SUCLG2: variants seen among roughly 807,000 people sequenced by gnomAD.
SUCLG2 encodes the protein succinate-CoA ligase GDP-forming subunit beta, also known as succinate--CoA ligase [GDP-forming] subunit beta, mitochondrial.
SUCLG2 carries 42 observed loss-of-function variants against 47.9 expected under a neutral mutation model. The observed-to-expected ratio is 0.88, with a 90% CI of 0.69 to 1.14. The LOEUF (loss-of-function observed/expected upper bound fraction) is 1.14, where lower values mean the gene tolerates loss of function less well. SUCLG2 is among the 50% of genes most tolerant of loss of function. SUCLG2 has a pLI of 0.00. For missense variants in SUCLG2, 571 were observed against 525.9 expected (o/e 1.09, Z -0.84); for synonymous variants, 195 against 197.3 (o/e 0.99, Z 0.10).
chr3:67,574,248 T>A (rs1481539772), intron 2 of SUCLG2, among the ~76,000 whole-genome samples: 1 of 152,200 alleles, frequency 6.6e-6, no homozygotes, highest in Non-Finnish European at 1.5e-5. Context: ...CATCTAAACG[T>A]TTATACTTGT....
intron 2 of SUCLG2, among the ~76,000 whole-genome samples, chr3:67,597,862 T>C (rs1708329213): frequency 1.3e-5 from 2 of 151,800 alleles, no homozygotes; most frequent in Admixed American, 1.3e-4. Context: ...CGCTTGAACC[T>C]GGGAGGCAGA....
At chr3:67,387,538 T>C (rs760059936) in intron 10 of SUCLG2, among the ~76,000 whole-genome samples, 5 of 152,234 alleles carry the variant, frequency 3.3e-5, no homozygotes, top group African/African-American at 9.6e-5. Flanking sequence ...TAGTTATTCA[T>C]ACATTTCGAG....
intron 1 of SUCLG2, among the ~76,000 whole-genome samples, chr3:67,624,384 A>C (rs559839606): frequency 6.6e-6 from 1 of 152,358 alleles, no homozygotes; most frequent in South Asian, 2.1e-4. Flanking sequence ...TGTGTTTAGA[A>C]AGACATTTCA....
At chr3:67,523,018 G>C (rs1190577216) in intron 4 of SUCLG2, among the ~76,000 whole-genome samples, 15 of 151,988 alleles carry the variant, frequency 9.9e-5, no homozygotes, top group African/African-American at 3.6e-4. Flanking sequence ...TCAATCTCCT[G>C]ACCTCGTGAT....
chr3:67,653,479 C>A (rs2218796), intron 1 of SUCLG2, among the ~76,000 whole-genome samples: 19 of 151,968 alleles, frequency 1.3e-4, no homozygotes, highest in Non-Finnish European at 2.4e-4. Flanking sequence ...GATGTCATAA[C>A]CAAAGTTTAG....
chr3:67,368,010 G>A (rs567892364), intron 10 of SUCLG2, among the ~76,000 whole-genome samples: 1 of 152,102 alleles, frequency 6.6e-6, no homozygotes, highest in South Asian at 2.1e-4. Flanking sequence ...ATGGCTACAC[G>A]ATATTCCACT....
chr3:67,435,080 T>C (rs979069741), intron 9 of SUCLG2, among the ~76,000 whole-genome samples: 2 of 152,190 alleles, frequency 1.3e-5, no homozygotes, highest in African/African-American at 4.8e-5. Flanking sequence ...GTTTATCTGC[T>C]TGAGTGGGTA....
At chr3:67,591,534 A>G (rs533741681) in intron 2 of SUCLG2, among the ~76,000 whole-genome samples, 1 of 152,174 alleles carries the variant, frequency 6.6e-6, no homozygotes, top group Non-Finnish European at 1.5e-5. Context: ...ATTATAGTGA[A>G]TAAGTCTCAC....
chr3:67,619,074 A>C (rs921648719), intron 1 of SUCLG2, among the ~76,000 whole-genome samples: 1 of 152,232 alleles, frequency 6.6e-6, no homozygotes, highest in South Asian at 2.1e-4. Context: ...ACTTCCAAAA[A>C]AGAATTGACA....
intron 9 of SUCLG2, among the ~76,000 whole-genome samples, chr3:67,484,387 A>G (rs1704998578): frequency 6.6e-6 from 1 of 152,246 alleles, no homozygotes; most frequent in Admixed American, 6.5e-5. Flanking sequence ...GGCTGAGAAT[A>G]TTCAGCTAGA....
chr3:67,522,959 T>C (rs1215691573), intron 4 of SUCLG2, among the ~76,000 whole-genome samples: 2 of 151,870 alleles, frequency 1.3e-5, no homozygotes, highest in Non-Finnish European at 2.9e-5. Flanking sequence ...CCACCGTGCC[T>C]GGCCTAATTG....
chr3:67,515,467 A>G (rs919864199), intron 6 of SUCLG2, among the ~76,000 whole-genome samples: 1 of 152,148 alleles, frequency 6.6e-6, no homozygotes, highest in African/African-American at 2.4e-5. Flanking sequence ...TATCATCTTT[A>G]TTTTTGTTAT....
At chr3:67,538,195 C>T (rs1444156842) in intron 2 of SUCLG2, among the ~76,000 whole-genome samples, 1 of 151,934 alleles carries the variant, frequency 6.6e-6, no homozygotes, top group Non-Finnish European at 1.5e-5. Flanking sequence ...GGGTTTTGAT[C>T]GTTTTAGGTC....
At chr3:67,435,994 A>G (rs1023865739) in intron 9 of SUCLG2, among the ~76,000 whole-genome samples, 11 of 152,232 alleles carry the variant, frequency 7.2e-5, no homozygotes, top group Non-Finnish European at 1.5e-4. Flanking sequence ...GAAGAGATGC[A>G]TACGTTATAG....
chr3:67,436,615 T>A (rs540144543), intron 9 of SUCLG2, among the ~76,000 whole-genome samples: 1 of 152,326 alleles, frequency 6.6e-6, no homozygotes, highest in East Asian at 1.9e-4. Context: ...TTTTACTAAG[T>A]TGTCACTATA....
chr3:67,394,138 G>C (rs1702465243), intron 10 of SUCLG2, among the ~76,000 whole-genome samples: 1 of 152,160 alleles, frequency 6.6e-6, no homozygotes, highest in Admixed American at 6.5e-5. Context: ...AAGGAATGCA[G>C]TTCCTCACCA....
chr3:67,469,718 G>C (rs371059166), intron 9 of SUCLG2, among the ~76,000 whole-genome samples: 88 of 150,724 alleles, frequency 5.8e-4, no homozygotes, highest in African/African-American at 2.0e-3. Flanking sequence ...GACAGAATGA[G>C]ACTCCGTCTC....
chr3:67,365,673 T>C (rs570273656), intron 10 of SUCLG2, among the ~76,000 whole-genome samples: 9 of 152,326 alleles, frequency 5.9e-5, no homozygotes, highest in African/African-American at 2.2e-4. Context: ...CAGTCTAACA[T>C]GTGTGACTAA....
chr3:67,580,859 T>C (rs1279641526), intron 2 of SUCLG2, among the ~76,000 whole-genome samples: 1 of 152,164 alleles, frequency 6.6e-6, no homozygotes, highest in Non-Finnish European at 1.5e-5. Context: ...CAAATTAAAT[T>C]GAGCTGTTTG....
Sources: allele counts gnomAD v4.1 joint callset (sites outside exome capture counted in the v4.1 genomes callset), GRCh38; gene constraint gnomAD v4.1.1; transcripts MANE v1.5; gene names NCBI Gene and HGNC (gene_info 2026-07-23, HGNC 2026-07-21).